PPARGC1A: variants seen among roughly 807,000 people sequenced by gnomAD.
PPARGC1A encodes the protein peroxisome proliferator-activated receptor gamma coactivator 1-alpha.
PPARGC1A carries 25 observed loss-of-function variants against 88.7 expected under a neutral mutation model. That is an observed-to-expected ratio of 0.28 (90% CI 0.21 to 0.39). The LOEUF is 0.39. Ranked by LOEUF, PPARGC1A falls within the 10% of genes least tolerant of loss-of-function variation. The pLI, the probability that PPARGC1A is intolerant of heterozygous loss-of-function variation, is 1.00. For synonymous variants in PPARGC1A, 363 were observed against 355.6 expected (o/e 1.02, Z -0.24); for missense variants, 880 against 968.7 (o/e 0.91, Z 1.22).
At chr4:24,226,872 G>A in the PPARGC1A span, among the ~76,000 whole-genome samples, 1 of 152,156 alleles carries the variant, frequency 6.6e-6, no homozygotes, top group Non-Finnish European at 1.5e-5. Context: ...ACAAGGGCAG[G>A]AGTTGAGAGA....
chr4:24,325,582 G>A, the PPARGC1A span, among the ~76,000 whole-genome samples: 435 of 152,192 alleles, frequency 2.9e-3, 18 homozygotes, highest in East Asian at 0.064. Flanking sequence ...CTGGAAATCG[G>A]ACTGTTCAAC....
At chr4:24,398,401 C>G in the PPARGC1A span, among the ~76,000 whole-genome samples, 1 of 152,120 alleles carries the variant, frequency 6.6e-6, no homozygotes, top group Non-Finnish European at 1.5e-5. Context: ...GTTTTACTTT[C>G]AATTTTAATA....
chr4:24,199,663 C>T, the PPARGC1A span, among the ~76,000 whole-genome samples: 4 of 152,112 alleles, frequency 2.6e-5, no homozygotes, highest in African/African-American at 4.8e-5. Flanking sequence ...CCATCACCCA[C>T]GAGAAATAAA....
intron 1 of PPARGC1A, among the ~76,000 whole-genome samples, chr4:23,896,461 C>G (rs1718616008): frequency 6.6e-6 from 1 of 152,050 alleles, no homozygotes; most frequent in African/African-American, 2.4e-5. Context: ...CCTGTCATAC[C>G]AAGTCCAACA....
chr4:24,471,208 A>G, the PPARGC1A span, among the ~76,000 whole-genome samples: 2 of 151,626 alleles, frequency 1.3e-5, no homozygotes, highest in African/African-American at 4.8e-5. The surrounding 1 kb of genome is among the most constrained non-coding windows in gnomAD (Gnocchi z 5.4). Context: ...GGGCCCGGGA[A>G]TCCCCGGCGC....
the PPARGC1A span, among the ~76,000 whole-genome samples, chr4:24,093,056 C>T: frequency 2.0e-4 from 30 of 152,206 alleles, no homozygotes; most frequent in Non-Finnish European, 4.1e-4. Context: ...GTGTCCGATG[C>T]TGTGCTGAGT....
chr4:23,941,074 A>G, the PPARGC1A span, among the ~76,000 whole-genome samples: 4 of 152,190 alleles, frequency 2.6e-5, no homozygotes, highest in Non-Finnish European at 1.5e-5. Context: ...TTTTAGAGAC[A>G]GGGTCTCACT....
At chr4:23,891,980 T>C (rs1717921131), upstream of PPARGC1A, among the ~76,000 whole-genome samples, 2 of 152,206 alleles carry the variant, frequency 1.3e-5, no homozygotes, top group East Asian at 1.9e-4. Flanking sequence ...ATAATATTGG[T>C]CACCTGGCCA....
the PPARGC1A span, among the ~76,000 whole-genome samples, chr4:24,381,193 A>G: frequency 5.3e-5 from 8 of 152,180 alleles, no homozygotes; most frequent in Non-Finnish European, 8.8e-5. Flanking sequence ...AATACTACAG[A>G]GATCAGGTAA....
chr4:24,049,533 G>A, the PPARGC1A span, among the ~76,000 whole-genome samples: 2 of 151,904 alleles, frequency 1.3e-5, no homozygotes, highest in African/African-American at 4.8e-5. Flanking sequence ...CATGGAAATT[G>A]TCCATCTGAA....
At chr4:24,266,190 G>A in the PPARGC1A span, among the ~76,000 whole-genome samples, 24 of 152,178 alleles carry the variant, frequency 1.6e-4, no homozygotes, top group African/African-American at 5.5e-4. Context: ...TTTTGCAGTG[G>A]CTGCTGGCTT....
chr4:24,234,548 C>T, the PPARGC1A span, among the ~76,000 whole-genome samples: 1 of 152,040 alleles, frequency 6.6e-6, no homozygotes, highest in Non-Finnish European at 1.5e-5. Context: ...GAATTTAGCT[C>T]CAATTAGAAT....
intron 2 of PPARGC1A, among the ~76,000 whole-genome samples, chr4:23,836,926 G>C (rs1016872009): frequency 1.3e-5 from 2 of 152,134 alleles, no homozygotes; most frequent in Non-Finnish European, 2.9e-5. Context: ...CACCTGAAGG[G>C]AGAAATGCAG....
the PPARGC1A span, among the ~76,000 whole-genome samples, chr4:24,241,590 T>A: frequency 1.3e-5 from 2 of 152,240 alleles, no homozygotes; most frequent in Non-Finnish European, 2.9e-5. Flanking sequence ...CTTATACCCA[T>A]TAAAATGCAT....
At chr4:24,365,692 G>A in the PPARGC1A span, among the ~76,000 whole-genome samples, 1 of 152,018 alleles carries the variant, frequency 6.6e-6, no homozygotes, top group Non-Finnish European at 1.5e-5. Context: ...TCTCCAAAAT[G>A]CCTTTTTTCC....
the PPARGC1A span, among the ~76,000 whole-genome samples, chr4:23,939,929 C>G: frequency 4.6e-5 from 7 of 152,148 alleles, no homozygotes; most frequent in Non-Finnish European, 1.5e-5. Flanking sequence ...AAAGGTCACT[C>G]TCATTATTTT....
At chr4:24,381,655 G>T in the PPARGC1A span, among the ~76,000 whole-genome samples, 1 of 152,174 alleles carries the variant, frequency 6.6e-6, no homozygotes, top group Non-Finnish European at 1.5e-5. Flanking sequence ...TTAAACTGTG[G>T]TGTTACTCAA....
the PPARGC1A span, among the ~76,000 whole-genome samples, chr4:24,133,964 T>C: frequency 7.9e-5 from 12 of 152,150 alleles, 1 homozygote; most frequent in Admixed American, 7.2e-4. Flanking sequence ...TAAGAAGTGG[T>C]TGAGGTTACA....
chr4:24,289,853 C>T, the PPARGC1A span, among the ~76,000 whole-genome samples: 16 of 152,140 alleles, frequency 1.1e-4, no homozygotes, highest in Non-Finnish European at 2.2e-4. Context: ...TCTGTTCTCA[C>T]ACTGCTAATA....
Sources: gnomAD v4.1 joint callset for allele counts (sites outside exome capture counted in the v4.1 genomes callset) on GRCh38, gnomAD v4.1.1 for gene constraint, Gnocchi (gnomAD v3.1) non-coding constraint, MANE v1.5 for transcripts, NCBI Gene and HGNC (gene_info 2026-07-23, HGNC 2026-07-21) for gene names.